SNTG1: variants seen among roughly 807,000 people sequenced by gnomAD.
SNTG1 encodes syntrophin gamma 1, also known as gamma-1-syntrophin.
SNTG1 carries 39 observed loss-of-function variants against 74.7 expected under a neutral mutation model. The ratio of observed to expected loss-of-function variants is 0.52; its 90% confidence interval spans 0.40 to 0.68. SNTG1 has a LOEUF of 0.68. Ranked by LOEUF, SNTG1 falls within the 30% of genes least tolerant of loss-of-function variation. The pLI is 0.00. For synonymous variants in SNTG1, 254 were observed against 217.1 expected, an observed-to-expected ratio of 1.17 and a Z score of -1.49; for missense variants, 685 against 609.5, an observed-to-expected ratio of 1.12 and a Z score of -1.30.
intron 1 of SNTG1, among the ~76,000 whole-genome samples, chr8:50,169,107 T>A (rs893952426): frequency 8.5e-5 from 13 of 152,196 alleles, no homozygotes; most frequent in Admixed American, 5.9e-4. Context: ...TTTCTGTAAC[T>A]TTTCCATCTT....
At chr8:50,299,242 T>G (rs562192959) in intron 2 of SNTG1, among the ~76,000 whole-genome samples, 1 of 152,134 alleles carries the variant, frequency 6.6e-6, no homozygotes, top group Non-Finnish European at 1.5e-5. Flanking sequence ...CAGGCTGGAA[T>G]GCAGTGATGT....
intron 4 of SNTG1, among the ~76,000 whole-genome samples, chr8:50,422,442 G>T (rs9298323): frequency 0.89 from 135,896 of 152,136 alleles, 61,057 homozygotes; most frequent in Non-Finnish European, 0.95. Flanking sequence ...AACATTTACT[G>T]TAACTGTATG....
chr8:50,516,189 C>T (rs911417018), intron 9 of SNTG1, among the ~76,000 whole-genome samples: 12 of 152,140 alleles, frequency 7.9e-5, no homozygotes, highest in African/African-American at 2.9e-4. Flanking sequence ...ATCCAGCAGA[C>T]TTGCAACATA....
intron 2 of SNTG1, among the ~76,000 whole-genome samples, chr8:50,378,690 A>C (rs2092430721): frequency 6.6e-6 from 1 of 151,928 alleles, no homozygotes; most frequent in South Asian, 2.1e-4. Flanking sequence ...AATCATCCTG[A>C]TGAGTGCTCA....
At chr8:50,730,646 G>A (rs2095510792) in intron 17 of SNTG1, among the ~76,000 whole-genome samples, 1 of 152,130 alleles carries the variant, frequency 6.6e-6, no homozygotes. Flanking sequence ...AGGATATGTT[G>A]TCTCAAAATG....
At chr8:50,724,284 G>A (rs1404557554) in intron 17 of SNTG1, among the ~76,000 whole-genome samples, 1 of 152,104 alleles carries the variant, frequency 6.6e-6, no homozygotes, top group East Asian at 1.9e-4. Context: ...TTTAAGTAAG[G>A]AATCTCTGTT....
intron 2 of SNTG1, among the ~76,000 whole-genome samples, chr8:50,375,130 G>A (rs568532877): frequency 9.9e-5 from 15 of 152,126 alleles, no homozygotes; most frequent in Non-Finnish European, 1.8e-4. Flanking sequence ...AACATGCAGG[G>A]CAAAATAGTG....
chr8:50,570,812 G>C (rs1459393189), intron 12 of SNTG1, among the ~76,000 whole-genome samples: 1 of 151,192 alleles, frequency 6.6e-6, no homozygotes, highest in East Asian at 2.0e-4. Context: ...CACCACGTTG[G>C]TCAGGATGGT....
intron 2 of SNTG1, among the ~76,000 whole-genome samples, chr8:50,254,560 A>G (rs1342713912): frequency 6.6e-6 from 1 of 152,178 alleles, no homozygotes; most frequent in African/African-American, 2.4e-5. Flanking sequence ...AAATAGAAAC[A>G]AACAGGGCCA....
Position 50,788,370 on chromosome 8 carries a change from T to G in SNTG1, c.1396-4301T>G, listed in dbSNP as rs149782911. 7.2e-3 allele frequency among the ~76,000 whole-genome samples: 1,095 copies of G among 152,148 alleles called. 7 individuals carry two copies. The highest frequency in any genetic ancestry group is 0.012 in the Non-Finnish European group (797 of 67,958). ...GTCCTCACATTCTAAGAGACTCACT[T>G]GAGTTATGGTTTAATGATCTATTGA... On this transcript the variant is annotated intron_variant, in intron 18 of 18. Transcript: ENST00000642720.
chr8:50,303,492 C>A (rs948015027), intron 2 of SNTG1, among the ~76,000 whole-genome samples: 1 of 151,568 alleles, frequency 6.6e-6, no homozygotes, highest in African/African-American at 2.4e-5. Context: ...ATGATTAGGC[C>A]TCAAATTATT....
chr8:50,690,757 A>G (rs1456980897), intron 15 of SNTG1, among the ~76,000 whole-genome samples: 2 of 152,154 alleles, frequency 1.3e-5, no homozygotes, highest in Non-Finnish European at 2.9e-5. Flanking sequence ...GCAGATGTCT[A>G]TTAGGTCTGC....
At chr8:50,113,954 A>G (rs987400129) in intron 1 of SNTG1, among the ~76,000 whole-genome samples, 2 of 151,710 alleles carry the variant, frequency 1.3e-5, no homozygotes, top group African/African-American at 4.8e-5. Context: ...ATAAATAAAT[A>G]TGCATGGATG....
intron 2 of SNTG1, among the ~76,000 whole-genome samples, chr8:50,180,918 G>C (rs561271565): frequency 6.6e-6 from 1 of 151,850 alleles, no homozygotes; most frequent in African/African-American, 2.4e-5. Context: ...ACGCCACCAT[G>C]CCTGGCTAAA....
chr8:50,259,036 G>A (rs1024041548), intron 2 of SNTG1, among the ~76,000 whole-genome samples: 5 of 152,128 alleles, frequency 3.3e-5, no homozygotes, highest in East Asian at 1.9e-4. Context: ...GAAGAAAATC[G>A]TAAAAAGATT....
chr8:50,403,291 A>C (rs2092829435), intron 4 of SNTG1, among the ~76,000 whole-genome samples: 1 of 152,198 alleles, frequency 6.6e-6, no homozygotes, highest in South Asian at 2.1e-4. Flanking sequence ...CTTCTTACTA[A>C]CACCCTATGG....
rs558537723 is a variant in SNTG1 at position 50,174,391 on chromosome 8, T to C, written c.-28+1756T>C. Among the ~76,000 whole-genome samples, 5 of 152,322 alleles carry C rather than the reference T, an allele frequency of 3.3e-5. No individual in the cohort carries two copies. The South Asian group carries it at 1.0e-3, about 32-fold the overall frequency. On this transcript the variant is annotated intron_variant, in intron 2 of 18. Transcript: ENST00000642720. ...CTGGGTCAAATGGTATTTCTGGTTC[T>C]AGATCCTTGAGGAATCACCACACTG... is the stretch of plus-strand genomic sequence containing the variant.
Position 50,183,875 on chromosome 8 carries a change from C to T in SNTG1, c.-28+11240C>T, listed in dbSNP as rs149678721. ...TTTATCGCTGTATTTAATAACCTTGCCTTAACTTTACTACTATAGCAGCAT... is the reference window on the plus strand; with the variant it reads ...TTTATCGCTGTATTTAATAACCTTGTCTTAACTTTACTACTATAGCAGCAT... On this transcript the variant is annotated intron_variant, in intron 2 of 18. Transcript: ENST00000642720. Among the ~76,000 whole-genome samples the T allele has an allele frequency of 9.9e-5, 15 of 152,172 alleles. No homozygotes were observed. In the East Asian group the frequency reaches 2.7e-3, roughly 27 times the overall value.
In SNTG1 at chr8:50,266,684, G is replaced by GTGTGTGTATA. The variant is rs371676511; in HGVS notation, c.-28+94050_-28+94051insGTGTGTATAT. Among the ~76,000 whole-genome samples, 135 of 136,802 alleles carry GTGTGTGTATA rather than the reference G, an allele frequency of 9.9e-4. 1 individual carries two copies. Among genetic ancestry groups the GTGTGTGTATA allele is most frequent in the Admixed American group, 7.3e-3 (100 of 13,644 alleles). The allele number at this position is 136,802 out of a possible 152,430, so 89.7% of individuals were successfully genotyped here. ...TGTGTGTGTGTGTGTGTGTGTGTGT[G>GTGTGTGTATA]TATATATATATATATGAATGATACA... On this transcript the variant is annotated intron_variant, in intron 2 of 18. Coordinates refer to ENST00000642720, the MANE Select transcript of SNTG1 (RefSeq NM_018967.5).
Sources: allele counts gnomAD v4.1 joint callset (sites outside exome capture counted in the v4.1 genomes callset), GRCh38; gene constraint gnomAD v4.1.1; transcripts MANE v1.5; gene names NCBI Gene and HGNC (gene_info 2026-07-23, HGNC 2026-07-21).